The following QARS1 variants were observed in gnomAD, a reference collection of about 807,000 sequenced individuals.
QARS1 encodes glutamine--tRNA ligase.
Under a neutral mutation model 106.9 loss-of-function variants are expected in QARS1, and 79 were observed. The ratio of observed to expected loss-of-function variants is 0.74; its 90% confidence interval spans 0.62 to 0.89. QARS1 has a LOEUF of 0.89. Ranked by LOEUF, QARS1 falls within the 40% of genes least tolerant of loss-of-function variation. The probability of loss-of-function intolerance (pLI) is 0.00; values close to 1 mark genes in which losing one functional copy is unlikely to be tolerated. For missense variants in QARS1, 966 were observed against 997.2 expected, an observed-to-expected ratio of 0.97 and a Z score of 0.42; for synonymous variants, 395 against 367.7, an observed-to-expected ratio of 1.07 and a Z score of -0.85.
intron 23 of QARS1, among the ~76,000 whole-genome samples, chr3:49,097,456 A>G (rs1575398096): frequency 6.7e-6 from 1 of 150,196 alleles, no homozygotes; most frequent in East Asian, 2.1e-4. Context: ...AAGTGCTGGG[A>G]TTACAAGTGT....
intron 20 of QARS1, 26 bp from the exon 21 acceptor site, chr3:49,098,506 A>G: frequency 1.2e-6 from 2 of 1,614,002 alleles, no homozygotes; most frequent in Middle Eastern, 1.6e-4. Context: ...GGGGAGCAGC[A>G]ATTAGACCCG....
At chr3:49,098,730 A>C in intron 19 of QARS1, 38 bp from the exon 20 acceptor site, 1 of 1,547,254 alleles carries the variant, frequency 6.5e-7, no homozygotes, top group South Asian at 1.2e-5. Flanking sequence ...TGAGGCTGCA[A>C]GGGTCAAACA....
intron 23 of QARS1, among the ~76,000 whole-genome samples, chr3:49,096,717 G>A (rs943789932): frequency 1.4e-5 from 2 of 145,428 alleles, no homozygotes; most frequent in Non-Finnish European, 3.0e-5. Flanking sequence ...GGAGAATGGC[G>A]TGAACCCGGG....
rs2042509756 is a variant in QARS1, at chr3:49,104,310, G to A, written c.265+14C>T. The A allele has an allele frequency of 5.6e-6, 9 of 1,613,784 alleles. No individual in the cohort carries two copies. The East Asian group carries it at 2.0e-4, about 36-fold the overall frequency. Reference sequence around the variant, plus strand: ...GGCATTGGTGCGAACTGGCAGGACAGGTAGGGGTCTCACCGCTTAGCTGGG... The same window carrying A: ...GGCATTGGTGCGAACTGGCAGGACAAGTAGGGGTCTCACCGCTTAGCTGGG... On this transcript the variant is annotated intron_variant, in intron 2 of 23. Transcript: ENST00000306125.
chr3:49,102,064 A>C, intron 7 of QARS1, 141 bp downstream of exon 7: 1 of 1,343,128 alleles, frequency 7.4e-7, no homozygotes, highest in Non-Finnish European at 1.0e-6. Flanking sequence ...AGGGAACAAA[A>C]GAAACACCAG....
intron 5 of QARS1, among the ~76,000 whole-genome samples, chr3:49,103,094 A>G (rs1169271707): frequency 6.6e-6 from 1 of 152,164 alleles, no homozygotes; most frequent in African/African-American, 2.4e-5. Context: ...AATTGCTGGG[A>G]CTACAGGTAT....
At position 49,103,964 on chromosome 3, in the gene QARS1, C is replaced by G. The variant is rs201997520; in HGVS notation, c.274G>C (p.Glu92Gln). ...HTEPQLSAAL[E>Q]YVRSHPLDPI... ...TCCAAGGGGTGACTCCGCACATACT[C>G]AAGGGCAGCTGAGAAGAAAGAGCCC... The change falls in exon 3 of 24, where the codon GAG becomes CAG. Residue 92 changes from glutamate to glutamine, a missense_variant. By Grantham distance (29) the Glu-to-Gln change is conservative. Coordinates refer to ENST00000306125, the MANE Select transcript of QARS1 (RefSeq NM_005051.3). 12 of 1,613,754 alleles carry G rather than the reference C, an allele frequency of 7.4e-6. No homozygotes were observed. The highest frequency in any genetic ancestry group is 1.0e-5 in the Non-Finnish European group (12 of 1,179,894).
rs370213540 is a variant in QARS1 at position 49,104,165 on chromosome 3, C to T, written c.265+159G>A. ...ATCCCCCCTCAGACCCTGACAGTTC[C>T]CGTGTCAGTCTCACCATAGGCCACC... is the stretch of plus-strand genomic sequence containing the variant. On this transcript the variant is annotated intron_variant, in intron 2 of 23. Coordinates refer to ENST00000306125, the MANE Select transcript of QARS1 (RefSeq NM_005051.3). 4.2e-6 allele frequency: 5 copies of T among 1,194,542 alleles called. No individual in the cohort carries two copies. In the African/African-American group the frequency reaches 4.5e-5, roughly 11 times the overall value. 74.0% of individuals were successfully genotyped at this position (1,194,542 alleles called of 1,614,324 possible). A position where few individuals can be genotyped will look rare whatever the true frequency, so the allele number is the denominator to read the frequency against.
rs1362904365 is a variant in QARS1, at chr3:49,098,635, T to C, written c.1921A>G (p.Thr641Ala). Residue 641 changes from threonine (T) to alanine (A), a missense_variant, in exon 20 of 24, where the codon ACA (threonine) becomes GCA (alanine). Transcript: ENST00000306125. ...AWGQPVGLRH[T>A]GYVIELQHVV... ...TGCTGCAGCTCAATGACGTAGCCTG[T>C]ATGCCTCAGGCCCACAGGCTGGCCC... The C allele has an allele frequency of 6.2e-7, 1 of 1,611,848 alleles. No individual in the cohort carries two copies. Among genetic ancestry groups the C allele is most frequent in the Non-Finnish European group, 8.5e-7 (1 of 1,178,946 alleles).
chr3:49,100,373 G>A lies in QARS1; in HGVS notation c.1055+7C>T, dbSNP rs2107103323. The A allele has an allele frequency of 6.2e-7, 1 of 1,614,224 alleles. No individual in the cohort carries two copies. Among genetic ancestry groups the A allele is most frequent in the South Asian group, 1.1e-5 (1 of 91,084 alleles). On this transcript the variant is annotated splice_region_variant and intron_variant, in intron 12 of 23. Transcript: ENST00000306125. ...TGCCTGGCTCTACGTCATGGCCCTGGCCTTACCTGCGGATGAGCTCCACAG... is the reference window on the plus strand; with the variant it reads ...TGCCTGGCTCTACGTCATGGCCCTGACCTTACCTGCGGATGAGCTCCACAG...
In QARS1 at chr3:49,103,855, A is replaced by G; in HGVS notation, c.375+8T>C. The G allele has an allele frequency of 1.2e-6, 2 of 1,613,150 alleles. No homozygotes were observed. The highest frequency in any genetic ancestry group is 1.7e-6 in the Non-Finnish European group (2 of 1,179,216). On this transcript the variant is annotated splice_region_variant and intron_variant, in intron 3 of 23. Transcript: ENST00000306125. ...GGGGAGGCAGACGATGCCTGGGGAA[A>G]GACTCACAGCCTCCTCAATCTGCTC...
intron 20 of QARS1, 22 bp from the exon 21 acceptor site, chr3:49,098,502 C>A: frequency 2.5e-6 from 4 of 1,613,782 alleles, no homozygotes; most frequent in South Asian, 1.1e-5. Flanking sequence ...GGGAGGGGAG[C>A]AGCAATTAGA....
chr3:49,100,506 G>A, intron 11 of QARS1, 48 bp from the exon 12 acceptor site: 1 of 1,605,436 alleles, frequency 6.2e-7, no homozygotes, highest in South Asian at 1.1e-5. Flanking sequence ...CAAACACCCA[G>A]TGGGCAGGCC....
chr3:49,099,786 G>A lies in QARS1; in HGVS notation c.1363C>T (p.Leu455Phe). 2 of 1,613,906 alleles carry A rather than the reference G, an allele frequency of 1.2e-6. No individual in the cohort carries two copies. Among genetic ancestry groups the A allele is most frequent in the Non-Finnish European group, 1.7e-6 (2 of 1,179,952 alleles). The change falls in exon 15 of 24, where the codon CTC (leucine) becomes TTC (phenylalanine). Residue 455 changes from leucine (L) to phenylalanine (F), a missense_variant. Physicochemically the swap from Leu to Phe is conservative, Grantham distance 22. Coordinates refer to ENST00000306125, the MANE Select transcript of QARS1 (RefSeq NM_005051.3). ...CDSIEHITHS[L>F]CTKEFQARRS... is the part of the protein sequence containing the mutation. ...CGGGCCTGGAATTCCTTGGTGCAGA[G>A]TGAGTGAGTGATGTGCTCGATGGAG...
At chr3:49,100,116 G>C (rs1261366853) in intron 13 of QARS1, 25 bp from the exon 14 acceptor site, 2 of 1,614,122 alleles carry the variant, frequency 1.2e-6, no homozygotes, top group Admixed American at 1.7e-5. Flanking sequence ...GACTCAGGCT[G>C]TCTCTAAGCA....
rs1005774254 is a variant in QARS1, at chr3:49,098,276, G to A, written c.2085-18C>T. The A allele has an allele frequency of 1.2e-6, 2 of 1,614,060 alleles. No homozygotes were observed. Among genetic ancestry groups the A allele is most frequent in the African/African-American group, 2.7e-5 (2 of 74,914 alleles). ...GCTGGAATCTGCAGCCAAAGTGAAG[G>A]TCATACCCCCAGCTGGGCAGCCATA... On this transcript the variant is annotated intron_variant, in intron 21 of 23. Transcript: ENST00000306125.
chr3:49,097,501 A>G (rs1197118921), intron 23 of QARS1, among the ~76,000 whole-genome samples: 3 of 143,942 alleles, frequency 2.1e-5, no homozygotes, highest in Non-Finnish European at 3.1e-5. Context: ...AATAATAATT[A>G]AAAAAAAAAA....
In QARS1 at chr3:49,104,402, G is replaced by C. The variant is rs540260992; in HGVS notation, c.187C>G (p.Leu63Val). 30 of 1,614,224 alleles carry C rather than the reference G, an allele frequency of 1.9e-5. No homozygotes were observed. The highest frequency in any genetic ancestry group is 4.5e-5 in the East Asian group (2 of 44,888). The change falls in exon 2 of 24, where the codon CTC becomes GTC. Residue 63 changes from leucine to valine, a missense_variant. Transcript: ENST00000306125. Reference protein sequence around the residue: ...GILLYGLASRLRDTRRLSFLV... With the variant: ...GILLYGLASRVRDTRRLSFLV... ...AAGGAGAGACGCCGGGTATCCCTGA[G>C]TCGGGAGGCCAAGCCATATAACAGG...
chr3:49,101,910 CA>C lies in QARS1; in HGVS notation c.632-12del. The C allele has an allele frequency of 6.2e-7, 1 of 1,604,724 alleles. No homozygotes were observed. The highest frequency in any genetic ancestry group is 8.5e-7 in the Non-Finnish European group (1 of 1,175,536). On this transcript the variant is annotated splice_polypyrimidine_tract_variant and intron_variant, in intron 7 of 23. Transcript: ENST00000306125. Reference sequence around the variant, plus strand: ...GGTCAGCAGTCTCGCCTGTGGGGAACAAAACAAGGAAAACTTGTCCTCTAGA... The same window carrying C: ...GGTCAGCAGTCTCGCCTGTGGGGAACAAACAAGGAAAACTTGTCCTCTAGA...
Sources: gnomAD v4.1 joint callset for allele counts (sites outside exome capture counted in the v4.1 genomes callset) on GRCh38, gnomAD v4.1.1 for gene constraint, MANE v1.5 for transcripts, NCBI Gene and HGNC (gene_info 2026-07-23, HGNC 2026-07-21) for gene names.